The following SLC24A3 variants were observed in gnomAD, a reference collection of about 807,000 sequenced individuals.
The protein encoded by SLC24A3 is sodium/potassium/calcium exchanger 3.
Under a neutral mutation model 75.8 loss-of-function variants are expected in SLC24A3, and 28 were observed. The ratio of observed to expected loss-of-function variants is 0.37; its 90% CI spans 0.27 to 0.51. The LOEUF is 0.51. SLC24A3 is among the 20% of genes least tolerant of loss of function. SLC24A3 has a pLI of 0.94. For synonymous variants in SLC24A3, 372 were observed against 334.1 expected (o/e 1.11, Z -1.24); for missense variants, 663 against 847.8 (o/e 0.78, Z 2.71).
At chr20:19,626,813 C>T (rs1021032203) in intron 6 of SLC24A3, among the ~76,000 whole-genome samples, 2 of 152,128 alleles carry the variant, frequency 1.3e-5, no homozygotes, top group African/African-American at 2.4e-5. Flanking sequence ...ACTGAAAAGG[C>T]CTTGGGTATT....
intron 2 of SLC24A3, among the ~76,000 whole-genome samples, chr20:19,389,306 C>G (rs1164855454): frequency 6.6e-6 from 1 of 152,054 alleles, no homozygotes; most frequent in Non-Finnish European, 1.5e-5. Flanking sequence ...ATATTCTTAC[C>G]TTTAAATTGA....
intron 2 of SLC24A3, among the ~76,000 whole-genome samples, chr20:19,401,986 C>A (rs1986559522): frequency 6.6e-6 from 1 of 152,210 alleles, no homozygotes; most frequent in Non-Finnish European, 1.5e-5. Context: ...GGGCTCACAT[C>A]CCCAAAATCA....
At chr20:19,300,227 C>A (rs1297201523) in intron 2 of SLC24A3, among the ~76,000 whole-genome samples, 1 of 152,198 alleles carries the variant, frequency 6.6e-6, no homozygotes, top group Non-Finnish European at 1.5e-5. Context: ...CTGTAACTGA[C>A]AGATTATAGC....
intron 2 of SLC24A3, among the ~76,000 whole-genome samples, chr20:19,418,950 C>G (rs1986870126): frequency 6.6e-6 from 1 of 152,060 alleles, no homozygotes; most frequent in Non-Finnish European, 1.5e-5. Flanking sequence ...TGTTTCAAAC[C>G]ACGAGTCTAT....
At chr20:19,718,431 C>T (rs576220665) in intron 16 of SLC24A3, among the ~76,000 whole-genome samples, 6 of 152,162 alleles carry the variant, frequency 3.9e-5, no homozygotes, top group African/African-American at 1.2e-4. Context: ...AGCCACACGC[C>T]GTACTTAATG....
chr20:19,359,235 G>A (rs1985743360), intron 2 of SLC24A3, among the ~76,000 whole-genome samples: 1 of 152,056 alleles, frequency 6.6e-6, no homozygotes, highest in Admixed American at 6.6e-5. Context: ...TGTTTTTCTT[G>A]ATGAACTGTG....
rs116920821 is a variant in SLC24A3 at position 19,571,295 on chromosome 20, C to A, written c.349-8705C>A. ...ATCAGCATCAGCCCAGCTGCACAAACCTTGTTCCCAGAGCCTTCATTCAGA... is the reference window on the plus strand; with the variant it reads ...ATCAGCATCAGCCCAGCTGCACAAAACTTGTTCCCAGAGCCTTCATTCAGA... On this transcript the variant is annotated intron_variant, in intron 3 of 16. Transcript: ENST00000328041. Among the ~76,000 whole-genome samples the A allele has an allele frequency of 1.9e-3, 287 of 152,260 alleles. 2 individuals are homozygous for A. In the East Asian group the frequency reaches 0.02, roughly 11 times the overall value.
At chr20:19,483,764 C>T (rs774970820) in intron 2 of SLC24A3, among the ~76,000 whole-genome samples, 15 of 152,126 alleles carry the variant, frequency 9.9e-5, no homozygotes, top group Non-Finnish European at 1.9e-4. Flanking sequence ...AGGTTGGGTC[C>T]GTGCTGCTGG....
At chr20:19,557,158 T>A (rs1256757388) in intron 3 of SLC24A3, among the ~76,000 whole-genome samples, 1 of 152,176 alleles carries the variant, frequency 6.6e-6, no homozygotes, top group African/African-American at 2.4e-5. Context: ...TTTGTCCTAG[T>A]GATATCTTGA....
chr20:19,462,045 T>G (rs1987686280), intron 2 of SLC24A3, among the ~76,000 whole-genome samples: 1 of 152,216 alleles, frequency 6.6e-6, no homozygotes, highest in African/African-American at 2.4e-5. Context: ...AGGGAGTCCG[T>G]GTACAGGTAT....
rs11468628 is a variant in SLC24A3, at chr20:19,461,529, C to CT, written c.272-53938dup. ...TACGTCCTTTTCTTTTCTTTTTTTT[C>CT]TTTTTTTTTTTTTTTTTTTTTGAGG... On this transcript the variant is annotated intron_variant, in intron 2 of 16. Transcript: ENST00000328041. Among the ~76,000 whole-genome samples the CT allele has an allele frequency of 4.3e-3, 440 of 101,394 alleles. 2 individuals carry two copies. The highest frequency in any genetic ancestry group is 9.5e-3 in the East Asian group (34 of 3,566). 66.5% of individuals were successfully genotyped at this position (101,394 alleles called of 152,430 possible). A position where few individuals can be genotyped will look rare whatever the true frequency, so the allele number is the denominator to read the frequency against.
chr20:19,219,797 TTAAAG>T (rs1981657890), intron 1 of SLC24A3, among the ~76,000 whole-genome samples: 1 of 152,290 alleles, frequency 6.6e-6, no homozygotes, highest in East Asian at 1.9e-4. Context: ...GGTTGGTAGA[TTAAAG>T]TAAATTAAAA....
At chr20:19,437,085 T>C (rs972151378) in intron 2 of SLC24A3, among the ~76,000 whole-genome samples, 3 of 152,176 alleles carry the variant, frequency 2.0e-5, no homozygotes, top group Non-Finnish European at 2.9e-5. Flanking sequence ...AATGGCCTTG[T>C]GGGGACATCA....
intron 4 of SLC24A3, among the ~76,000 whole-genome samples, chr20:19,583,107 A>T (rs3790263): frequency 0.77 from 117,673 of 152,058 alleles, 46,194 homozygotes; most frequent in South Asian, 0.89. Flanking sequence ...ATCCCATCCC[A>T]GGGCTCCTAG....
chr20:19,353,008 C>T (rs1025151333), intron 2 of SLC24A3, among the ~76,000 whole-genome samples: 4 of 152,188 alleles, frequency 2.6e-5, no homozygotes, highest in Non-Finnish European at 5.9e-5. Context: ...AAAATACTTG[C>T]CATGGTGTTC....
intron 3 of SLC24A3, among the ~76,000 whole-genome samples, chr20:19,518,294 T>A (rs2030034943): frequency 6.6e-6 from 1 of 152,196 alleles, no homozygotes; most frequent in South Asian, 2.1e-4. Context: ...TGCAGAGTAG[T>A]GCTGGGCTGA....
intron 1 of SLC24A3, among the ~76,000 whole-genome samples, chr20:19,238,392 A>C (rs769114817): frequency 6.6e-6 from 1 of 152,232 alleles, no homozygotes; most frequent in African/African-American, 2.4e-5. Flanking sequence ...TCCACTGTTC[A>C]TCTATAATGA....
At chr20:19,717,287 G>A (rs1371513617) in intron 15 of SLC24A3, among the ~76,000 whole-genome samples, 1 of 152,192 alleles carries the variant, frequency 6.6e-6, no homozygotes, top group Non-Finnish European at 1.5e-5. Context: ...CTGCTATTGA[G>A]GGTAAGGCCA....
In SLC24A3 at chr20:19,340,443, T is replaced by C. The variant is rs1422349560; in HGVS notation, c.271+59356T>C. The stretch of plus-strand genomic sequence containing the variant: ...CTAGGACTTCTAGCCTCCAGAACTG[T>C]CAGAGAATACGTTTCCATGGTTTAA... On this transcript the variant is annotated intron_variant, in intron 2 of 16. Coordinates refer to ENST00000328041, the MANE Select transcript of SLC24A3 (RefSeq NM_020689.4). Among the ~76,000 whole-genome samples, 6 of 152,212 alleles carry C rather than the reference T, an allele frequency of 3.9e-5. No individual in the cohort carries two copies. In the East Asian group the frequency reaches 1.2e-3, roughly 29 times the overall value.
Sources: allele counts gnomAD v4.1 joint callset (sites outside exome capture counted in the v4.1 genomes callset), GRCh38; gene constraint gnomAD v4.1.1; transcripts MANE v1.5; gene names NCBI Gene and HGNC (gene_info 2026-07-23, HGNC 2026-07-21).